The following COX18 variants were observed in gnomAD, a reference collection of about 807,000 sequenced individuals.
COX18 encodes cytochrome c oxidase assembly protein COX18, mitochondrial.
In COX18, 45 loss-of-function variants were observed where a neutral mutation model predicts 38.0. That is an observed-to-expected ratio of 1.18 (90% CI 0.93 to 1.52). COX18 has a LOEUF of 1.52. Among genes scored for constraint, COX18 ranks in the 40% most tolerant of loss-of-function variants. The pLI is 0.00. For synonymous variants in COX18, 177 were observed against 169.8 expected (o/e 1.04, Z -0.33); for missense variants, 462 against 423.8 (o/e 1.09, Z -0.79).
rs1719850686 is a variant in COX18, at chr4:73,055,381, T to C, written c.*2733A>G. ...CACTGCTCCTAGAAAACATACAGGGTTAGGTTTCTGCAAGCTTTGTTTTTG... is the reference window on the plus strand; with the variant it reads ...CACTGCTCCTAGAAAACATACAGGGCTAGGTTTCTGCAAGCTTTGTTTTTG... On this transcript the variant is annotated 3_prime_UTR_variant, in exon 6 of 6. Transcript: ENST00000507544. 6.6e-6 allele frequency: 1 copy of C among 152,130 alleles called. No homozygotes were observed. Among genetic ancestry groups the C allele is most frequent in the Non-Finnish European group, 1.5e-5 (1 of 68,036 alleles). 9.4% of individuals were successfully genotyped at this position (152,130 alleles called of 1,614,324 possible). A position where few individuals can be genotyped will look rare whatever the true frequency, so the allele number is the denominator to read the frequency against.
intron 5 of COX18, 44 bp from the exon 6 acceptor site, chr4:73,058,331 G>A: frequency 7.3e-7 from 1 of 1,373,310 alleles, no homozygotes; most frequent in Non-Finnish European, 1.0e-6. Flanking sequence ...AATTCTACAA[G>A]GACATCACAG....
chr4:73,065,454 G>A (rs1191845186), intron 2 of COX18, 41 bp from the exon 3 acceptor site: 4 of 1,529,878 alleles, frequency 2.6e-6, no homozygotes, highest in East Asian at 2.3e-5. Flanking sequence ...AAGAGAAAAT[G>A]TCATCTAAGA....
chr4:73,067,864 A>AAAAAAAAAAAAAAATAT, intron 2 of COX18, among the ~76,000 whole-genome samples, 165 bp downstream of exon 2: 1 of 20,010 alleles, frequency 5.0e-5, no homozygotes, highest in African/African-American at 9.1e-5. Flanking sequence ...AAAAAAAAAA[A>AAAAAAAAAAAAAAATAT]ATATATATAT....
At chr4:73,062,835 C>CAAAAAAAAGAAAAGAAGGAAAAA (rs1720242800) in intron 4 of COX18, among the ~76,000 whole-genome samples, 1 of 130,430 alleles carries the variant, frequency 7.7e-6, no homozygotes, top group Non-Finnish European at 1.6e-5. Context: ...AGACCGTCTC[C>CAAAAAAAAGAAAAGAAGGAAAAA]AAAAAAAAGA....
chr4:73,069,096 A>C (rs1389762889), intron 1 of COX18, among the ~76,000 whole-genome samples: 1 of 152,268 alleles, frequency 6.6e-6, no homozygotes, highest in Admixed American at 6.5e-5. Flanking sequence ...AAGACAAAAG[A>C]AATGACAGGT....
chr4:73,065,607 G>A (rs528879470), intron 2 of COX18, among the ~76,000 whole-genome samples, 194 bp from the exon 3 acceptor site: 2 of 152,222 alleles, frequency 1.3e-5, no homozygotes, highest in Non-Finnish European at 2.9e-5. Context: ...AACTTCTACA[G>A]TATGGTACAC....
intron 5 of COX18, among the ~76,000 whole-genome samples, chr4:73,061,160 T>C (rs1211901972): frequency 6.6e-6 from 1 of 152,206 alleles, no homozygotes; most frequent in Non-Finnish European, 1.5e-5. Context: ...TGAGATTAAA[T>C]AATACCATAC....
At position 73,069,635 on chromosome 4, in the gene COX18, G is replaced by A. The variant is rs866085927; in HGVS notation, c.15C>T (p.Leu5=). Residue 5 remains leucine (L), a synonymous_variant, in exon 1 of 6, where the codon CTC becomes CTT. Coordinates refer to ENST00000507544, the MANE Select transcript of COX18 (RefSeq NM_001297732.2). MLCR[L]GGRWLRPLPA... Reference sequence around the variant, plus strand: ...GGAGCGGCCGCAGCCACCGACCGCCGAGCCGGCACAGCATTTCTGCACCAC... The same window carrying A: ...GGAGCGGCCGCAGCCACCGACCGCCAAGCCGGCACAGCATTTCTGCACCAC... The A allele has an allele frequency of 4.5e-6, 7 of 1,549,816 alleles. No homozygotes were observed. The highest frequency in any genetic ancestry group is 2.7e-5 in the African/African-American group (2 of 73,964).
intron 3 of COX18, 101 bp from the exon 4 acceptor site, chr4:73,065,003 C>G: frequency 8.3e-7 from 1 of 1,202,822 alleles, no homozygotes; most frequent in South Asian, 1.4e-5. Context: ...TAAGGTGTCC[C>G]TCACAGGAAA....
rs1431028103 is a variant in COX18 at position 73,065,319 on chromosome 4, G to T, written c.529C>A (p.Gln177Lys). Reference sequence around the variant, plus strand: ...GACATGAAGATCCACATTGGAAGCTGAATCCAAACCAACACAGTGGCTTTG... The same window carrying T: ...GACATGAAGATCCACATTGGAAGCTTAATCCAAACCAACACAGTGGCTTTG... ...PFKATVLVWIQLPMWIFMSFA... is the reference protein window; with the variant it reads ...PFKATVLVWIKLPMWIFMSFA... The change falls in exon 3 of 6, where the codon CAG becomes AAG. Residue 177 changes from glutamine (Q) to lysine (K), a missense_variant. Coordinates refer to ENST00000507544, the MANE Select transcript of COX18 (RefSeq NM_001297732.2). The T allele has an allele frequency of 3.1e-6, 5 of 1,613,628 alleles. No individual in the cohort carries two copies. The highest frequency in any genetic ancestry group is 4.2e-6 in the Non-Finnish European group (5 of 1,179,940).
intron 1 of COX18, 97 bp from the exon 2 acceptor site, chr4:73,068,226 G>T (rs1276170315): frequency 2.8e-6 from 2 of 719,306 alleles, no homozygotes; most frequent in Admixed American, 6.2e-5. Context: ...ATTTAAAAAT[G>T]TAGTTTACTG....
chr4:73,068,277 T>C, intron 1 of COX18, 148 bp from the exon 2 acceptor site: 1 of 568,634 alleles, frequency 1.8e-6, no homozygotes, highest in South Asian at 2.1e-5. Flanking sequence ...AAGATGTTAA[T>C]TTGCTTAAAA....
chr4:73,058,568 C>T (rs1339071765), intron 5 of COX18, among the ~76,000 whole-genome samples: 1 of 152,178 alleles, frequency 6.6e-6, no homozygotes, highest in Non-Finnish European at 1.5e-5. Flanking sequence ...TATCTCCCTT[C>T]TTCGACAATG....
rs1363732982 is a variant in COX18 at position 73,052,369 on chromosome 4, T to C, written c.*5745A>G. The C allele has an allele frequency of 2.0e-5, 3 of 152,044 alleles. No homozygotes were observed. Among genetic ancestry groups the C allele is most frequent in the Admixed American group, 6.5e-5 (1 of 15,270 alleles). 9.4% of individuals were successfully genotyped at this position (152,044 alleles called of 1,614,324 possible). On this transcript the variant is annotated 3_prime_UTR_variant, in exon 6 of 6. Coordinates refer to ENST00000507544, the MANE Select transcript of COX18 (RefSeq NM_001297732.2). The stretch of plus-strand genomic sequence containing the variant: ...TGTACATAGATCAAATTCTTACTTA[T>C]ATAGTTGTATTTTTATTTTTATATA...
rs1719810212 is a variant in COX18, at chr4:73,054,004, A to G, written c.*4110T>C. 6.6e-6 allele frequency: 1 copy of G among 152,250 alleles called. No individual in the cohort carries two copies. The highest frequency in any genetic ancestry group is 2.1e-4 in the South Asian group (1 of 4,832). The allele number at this position is 152,250 out of a possible 1,614,324, so 9.4% of individuals were successfully genotyped here. On this transcript the variant is annotated 3_prime_UTR_variant, in exon 6 of 6. Transcript: ENST00000507544. ...CTCTTGAAATGAGAAGCATTCATTA[A>G]GACAGTGAATCTGGCCTAGAGACAA... is the stretch of plus-strand genomic sequence containing the variant.
In COX18 at chr4:73,055,225, T is replaced by A. The variant is rs1381000480; in HGVS notation, c.*2889A>T. The A allele has an allele frequency of 6.6e-6, 1 of 152,256 alleles. No homozygotes were observed. The highest frequency in any genetic ancestry group is 2.4e-5 in the African/African-American group (1 of 41,472). The allele number at this position is 152,256 out of a possible 1,614,324, so 9.4% of individuals were successfully genotyped here. A position where few individuals can be genotyped will look rare whatever the true frequency, so the allele number is the denominator to read the frequency against. The stretch of plus-strand genomic sequence containing the variant: ...CTCAAATTCTTTCCTCTTTTTACTA[T>A]GACCTAAGCTGCACACACATTTCTG... On this transcript the variant is annotated 3_prime_UTR_variant, in exon 6 of 6. Coordinates refer to ENST00000507544, the MANE Select transcript of COX18 (RefSeq NM_001297732.2).
Position 73,068,141 on chromosome 4 carries a change from A to T in COX18, c.334-12T>A. On this transcript the variant is annotated splice_polypyrimidine_tract_variant and intron_variant, in intron 1 of 5. Transcript: ENST00000507544. ...TGCAAATTTTCCACCTAGCTAAAAA[A>T]TAGGTTTTGTTATGAGCACATAAAG... The T allele has an allele frequency of 6.3e-7, 1 of 1,582,984 alleles. No individual in the cohort carries two copies. The highest frequency in any genetic ancestry group is 1.1e-5 in the South Asian group (1 of 89,338).
rs1351434721 is a variant in COX18, at chr4:73,056,403, C to T, written c.*1711G>A. On this transcript the variant is annotated 3_prime_UTR_variant, in exon 6 of 6. Transcript: ENST00000507544. The stretch of plus-strand genomic sequence containing the variant: ...AGGCAACTGCCCTTCTGGTTTTCTT[C>T]TTTGACTAAACAATCTGAATGCTTA... The T allele has an allele frequency of 6.6e-6, 1 of 152,190 alleles. No individual in the cohort carries two copies. Among genetic ancestry groups the T allele is most frequent in the Non-Finnish European group, 1.5e-5 (1 of 68,034 alleles). 9.4% of individuals were successfully genotyped at this position (152,190 alleles called of 1,614,324 possible).
intron 5 of COX18, among the ~76,000 whole-genome samples, chr4:73,060,916 T>C (rs923602669): frequency 6.6e-6 from 1 of 151,778 alleles, no homozygotes; most frequent in South Asian, 2.1e-4. Context: ...GGTAGTTTTA[T>C]ATATGCTACA....
Sources: allele counts gnomAD v4.1 joint callset (sites outside exome capture counted in the v4.1 genomes callset), GRCh38; gene constraint gnomAD v4.1.1; transcripts MANE v1.5; gene names NCBI Gene and HGNC (gene_info 2026-07-23, HGNC 2026-07-21).